Variants in TMEM192 observed in about 807,000 individuals in gnomAD.
TMEM192 encodes transmembrane protein 192.
A neutral mutation model predicts 26.7 loss-of-function variants in TMEM192; 20 were observed. The ratio of observed to expected loss-of-function variants is 0.75; its 90% CI spans 0.53 to 1.09. TMEM192 has a LOEUF of 1.09. Among genes scored for constraint, TMEM192 ranks in the 50% least tolerant of loss-of-function variants. The probability of loss-of-function intolerance (pLI) is 0.00; values close to 1 mark genes in which losing one functional copy is unlikely to be tolerated. For synonymous variants in TMEM192, 124 were observed against 121.0 expected, an observed-to-expected ratio of 1.02 and a Z score of -0.16; for missense variants, 304 against 322.6, an observed-to-expected ratio of 0.94 and a Z score of 0.44.
Position 165,102,981 on chromosome 4 carries a change from A to G in TMEM192, c.143T>C (p.Val48Ala). The G allele has an allele frequency of 6.2e-7, 1 of 1,612,816 alleles. No homozygotes were observed. The highest frequency in any genetic ancestry group is 8.5e-7 in the Non-Finnish European group (1 of 1,179,388). ...FRPRFHPLPT[V>A]IIVNLLWFIH... is the part of the protein sequence containing the mutation. ...AAACCACAGAAGATTCACTATGATG[A>G]CTGTAGGAAGAGGATGGAATCGGGG... is the stretch of plus-strand genomic sequence containing the variant. Residue 48 changes from valine (V) to alanine (A), a missense_variant, in exon 2 of 6, where the codon GTC (valine) becomes GCC (alanine). Physicochemically the swap from Val to Ala is moderately conservative, Grantham distance 64. Transcript: ENST00000306480.
At chr4:165,085,525 G>C in intron 5 of TMEM192, 61 bp downstream of exon 5, 5 of 1,071,380 alleles carry the variant, frequency 4.7e-6, no homozygotes, top group Non-Finnish European at 7.0e-6. Context: ...CCAAGCATCA[G>C]AATGGTTTCT....
intron 3 of TMEM192, among the ~76,000 whole-genome samples, chr4:165,096,526 A>C (rs910318301): frequency 9.2e-5 from 14 of 151,724 alleles, no homozygotes; most frequent in Non-Finnish European, 1.5e-4. Context: ...AAGGTAAATA[A>C]TTTTTTTTCT....
At chr4:165,092,310 C>T (rs753320806) in intron 3 of TMEM192, among the ~76,000 whole-genome samples, 8 of 151,892 alleles carry the variant, frequency 5.3e-5, no homozygotes, top group East Asian at 1.9e-4. Flanking sequence ...TCAGTAGAAA[C>T]GGGGTTTCAC....
chr4:165,104,490 G>A (rs1429786586), intron 1 of TMEM192, among the ~76,000 whole-genome samples: 1 of 152,124 alleles, frequency 6.6e-6, no homozygotes, highest in Non-Finnish European at 1.5e-5. Flanking sequence ...ATTTCCAGTA[G>A]CAGGTATTCA....
Position 165,079,597 on chromosome 4 carries a change from T to TG in TMEM192, c.*60dup. 6.6e-7 allele frequency: 1 copy of TG among 1,522,416 alleles called. No individual in the cohort carries two copies. Among genetic ancestry groups the TG allele is most frequent in the East Asian group, 2.4e-5 (1 of 41,888 alleles). 94.3% of individuals were successfully genotyped at this position (1,522,416 alleles called of 1,614,324 possible). A position where few individuals can be genotyped will look rare whatever the true frequency, so the allele number is the denominator to read the frequency against. On this transcript the variant is annotated 3_prime_UTR_variant, in exon 6 of 6. Coordinates refer to ENST00000306480, the MANE Select transcript of TMEM192 (RefSeq NM_001100389.2). ...CAGTTCCCCGTGGCAGCTTGTCAGG[T>TG]GGTCAGTCAGTCTCAATTACTCTGG... is the stretch of plus-strand genomic sequence containing the variant.
chr4:165,096,095 C>T (rs1477406360), intron 3 of TMEM192, among the ~76,000 whole-genome samples: 2 of 151,742 alleles, frequency 1.3e-5, no homozygotes, highest in African/African-American at 4.8e-5. Flanking sequence ...CTGCACCTGG[C>T]CCAAATACAT....
rs564966108 is a variant in TMEM192, at chr4:165,085,251, C to T, written c.677+335G>A. Among the ~76,000 whole-genome samples, 8 of 112,450 alleles carry T rather than the reference C, an allele frequency of 7.1e-5. No individual in the cohort carries two copies. The East Asian group carries it at 1.3e-3, about 18-fold the overall frequency. 73.8% of individuals were successfully genotyped at this position (112,450 alleles called of 152,430 possible). A position where few individuals can be genotyped will look rare whatever the true frequency, so the allele number is the denominator to read the frequency against. On this transcript the variant is annotated intron_variant, in intron 5 of 5. Transcript: ENST00000306480. ...TCATGCCACTGCACTCCAGCCTGGG[C>T]AACAAGAGCAAAACTCCATCTCAAA...
intron 1 of TMEM192, among the ~76,000 whole-genome samples, chr4:165,110,845 C>T (rs920375877): frequency 2.6e-5 from 4 of 152,196 alleles, no homozygotes; most frequent in African/African-American, 4.8e-5. Context: ...TATAGCCTTT[C>T]GAATACATCC....
At chr4:165,080,945 C>A (rs866441594) in intron 5 of TMEM192, among the ~76,000 whole-genome samples, 1 of 152,226 alleles carries the variant, frequency 6.6e-6, no homozygotes, top group Middle Eastern at 3.4e-3. Flanking sequence ...AAACTCCTGA[C>A]CTCAGGTGAT....
intron 4 of TMEM192, among the ~76,000 whole-genome samples, chr4:165,086,551 G>A (rs559628410): frequency 6.0e-5 from 9 of 150,926 alleles, no homozygotes; most frequent in East Asian, 5.9e-4. Flanking sequence ...TCAGCCTCCC[G>A]ACTGGGATTA....
At position 165,076,987 on chromosome 4, in the gene TMEM192, G is replaced by C. The variant is rs1056487378; in HGVS notation, c.*2671C>G. 6.6e-6 allele frequency: 1 copy of C among 152,142 alleles called. No individual in the cohort carries two copies. The highest frequency in any genetic ancestry group is 1.5e-5 in the Non-Finnish European group (1 of 68,050). The allele number at this position is 152,142 out of a possible 1,614,324, so 9.4% of individuals were successfully genotyped here. ...TGGCTTATTTTGTATTTTTAGTAAA[G>C]ATGGGGTTTTACTATGTTGGCCAGG... On this transcript the variant is annotated 3_prime_UTR_variant, in exon 6 of 6. Transcript: ENST00000306480.
intron 3 of TMEM192, among the ~76,000 whole-genome samples, chr4:165,088,826 C>T (rs1015484146): frequency 6.6e-5 from 10 of 151,732 alleles, no homozygotes; most frequent in African/African-American, 2.4e-4. Context: ...ATTGCTTGAG[C>T]CCAGGTGGTC....
At chr4:165,097,246 G>A (rs1734930100) in intron 3 of TMEM192, among the ~76,000 whole-genome samples, 1 of 152,108 alleles carries the variant, frequency 6.6e-6, no homozygotes, top group African/African-American at 2.4e-5. Context: ...TGTAATCCCA[G>A]CACTTTGGGA....
intron 3 of TMEM192, among the ~76,000 whole-genome samples, chr4:165,100,341 G>A (rs1365150270): frequency 6.6e-6 from 1 of 151,890 alleles, no homozygotes; most frequent in Admixed American, 6.6e-5. Context: ...TGTATTTTTA[G>A]TAGAGACGGG....
At chr4:165,087,768 C>G (rs928633912) in intron 4 of TMEM192, among the ~76,000 whole-genome samples, 1 of 152,138 alleles carries the variant, frequency 6.6e-6, no homozygotes, top group Non-Finnish European at 1.5e-5. Flanking sequence ...GACGAAACCC[C>G]ATCTCTATTA....
At chr4:165,087,668 G>A (rs541637510) in intron 4 of TMEM192, among the ~76,000 whole-genome samples, 4 of 145,022 alleles carry the variant, frequency 2.8e-5, no homozygotes, top group African/African-American at 1.1e-4. Flanking sequence ...GGCTGGGTGC[G>A]GTGGGTCATG....
At chr4:165,092,230 T>C (rs1020866649) in intron 3 of TMEM192, among the ~76,000 whole-genome samples, 1 of 148,770 alleles carries the variant, frequency 6.7e-6, no homozygotes, top group Non-Finnish European at 1.5e-5. Context: ...CAAGTGATTA[T>C]CCTGCCTCAG....
rs1295193901 is a variant in TMEM192, at chr4:165,078,962, T to C, written c.*696A>G. 1 of 152,260 alleles carries C rather than the reference T, an allele frequency of 6.6e-6. No homozygotes were observed. Among genetic ancestry groups the C allele is most frequent in the African/African-American group, 2.4e-5 (1 of 41,454 alleles). 9.4% of individuals were successfully genotyped at this position (152,260 alleles called of 1,614,324 possible). The stretch of plus-strand genomic sequence containing the variant: ...CCGCCACCATGCTCGGCTAATTTTT[T>C]TTGTATTTTTAGTAGAGACAGGGTT... On this transcript the variant is annotated 3_prime_UTR_variant, in exon 6 of 6. Coordinates refer to ENST00000306480, the MANE Select transcript of TMEM192 (RefSeq NM_001100389.2).
intron 4 of TMEM192, among the ~76,000 whole-genome samples, chr4:165,087,292 ATG>A (rs1560927468): frequency 6.6e-6 from 1 of 152,142 alleles, no homozygotes; most frequent in Non-Finnish European, 1.5e-5. Flanking sequence ...GAGACCTGTT[ATG>A]TGTCTCCTGG....
Sources: allele counts gnomAD v4.1 joint callset (sites outside exome capture counted in the v4.1 genomes callset), GRCh38; gene constraint gnomAD v4.1.1; transcripts MANE v1.5; gene names NCBI Gene and HGNC (gene_info 2026-07-23, HGNC 2026-07-21).